The following CCDC149 variants were observed in gnomAD, a reference collection of about 807,000 sequenced individuals.
CCDC149 encodes coiled-coil domain-containing protein 149.
Under a neutral mutation model 59.9 loss-of-function variants are expected in CCDC149, and 45 were observed. The ratio of observed to expected loss-of-function variants is 0.75; its 90% CI spans 0.59 to 0.96. The LOEUF is 0.96. Ranked by LOEUF, CCDC149 falls within the 40% of genes least tolerant of loss-of-function variation. The pLI is 0.00. For synonymous variants in CCDC149, 245 were observed against 260.6 expected (o/e 0.94, Z 0.58); for missense variants, 584 against 664.7 (o/e 0.88, Z 1.33).
chr4:24,906,376 T>TTTATTTTATTTTATTTTA (rs1721516983), intron 1 of CCDC149, among the ~76,000 whole-genome samples: 8 of 112,398 alleles, frequency 7.1e-5, no homozygotes, highest in African/African-American at 2.6e-4. Context: ...TTTTATTTTA[T>TTTATTTTATTTTATTTTA]TTTATTTTAT....
intron 4 of CCDC149, among the ~76,000 whole-genome samples, chr4:24,843,768 C>T (rs552225824): frequency 1.3e-5 from 2 of 152,168 alleles, no homozygotes; most frequent in Non-Finnish European, 2.9e-5. Flanking sequence ...CCTTAGACCA[C>T]TGACAGATAC....
At chr4:24,971,404 G>A (rs1024754438) in intron 1 of CCDC149, among the ~76,000 whole-genome samples, 5 of 152,220 alleles carry the variant, frequency 3.3e-5, no homozygotes, top group Non-Finnish European at 7.3e-5. Context: ...GCCAAGGCAG[G>A]CTTCCAGTGC....
intron 3 of CCDC149, among the ~76,000 whole-genome samples, chr4:24,867,653 AT>A (rs1718782680): frequency 1.3e-5 from 2 of 152,096 alleles, no homozygotes; most frequent in Non-Finnish European, 2.9e-5. Flanking sequence ...TTGAATGCAA[AT>A]TTTTTTGCAG....
intron 7 of CCDC149, among the ~76,000 whole-genome samples, chr4:24,835,733 T>C (rs1409019551): frequency 6.6e-6 from 1 of 152,142 alleles, no homozygotes; most frequent in Non-Finnish European, 1.5e-5. Context: ...CGGAGACTTG[T>C]GAGAACAAAT....
intron 3 of CCDC149, among the ~76,000 whole-genome samples, chr4:24,861,961 C>T (rs1718415508): frequency 6.6e-6 from 1 of 152,134 alleles, no homozygotes; most frequent in Admixed American, 6.5e-5. Flanking sequence ...CTCTACACTC[C>T]CTTTTCTGTC....
upstream of CCDC149, among the ~76,000 whole-genome samples, chr4:24,917,336 C>G (rs932913441): frequency 1.3e-5 from 2 of 152,240 alleles, no homozygotes; most frequent in African/African-American, 2.4e-5. Context: ...GTTGCACTCC[C>G]TGCTGAACTG....
rs1377486732 is a variant in CCDC149, at chr4:24,873,738, T to C, written c.226-19A>G. 6 of 1,595,832 alleles carry C rather than the reference T, an allele frequency of 3.8e-6. No individual in the cohort carries two copies. Among genetic ancestry groups the C allele is most frequent in the Non-Finnish European group, 5.2e-6 (6 of 1,164,646 alleles). ...CTCCATCCTACAAAGAAACAAATGC[T>C]GCATTTTACTCTTTTAGAAAAATAG... is the stretch of plus-strand genomic sequence containing the variant. On this transcript the variant is annotated intron_variant, in intron 2 of 12. Coordinates refer to ENST00000635206, the MANE Select transcript of CCDC149 (RefSeq NM_001330643.2).
chr4:24,876,485 T>C (rs750451734), intron 2 of CCDC149, 51 bp downstream of exon 2: 1 of 1,534,644 alleles, frequency 6.5e-7, no homozygotes, highest in African/African-American at 1.4e-5. Flanking sequence ...TCTCTTTATA[T>C]CTTAATTCAG....
At chr4:24,897,521 C>G (rs966036715) in intron 1 of CCDC149, among the ~76,000 whole-genome samples, 1 of 152,016 alleles carries the variant, frequency 6.6e-6, no homozygotes, top group Non-Finnish European at 1.5e-5. Context: ...CAAGGAGACA[C>G]AGGAGGTAGG....
At chr4:24,858,760 A>G (rs1271652587) in intron 3 of CCDC149, among the ~76,000 whole-genome samples, 1 of 152,216 alleles carries the variant, frequency 6.6e-6, no homozygotes, top group African/African-American at 2.4e-5. Flanking sequence ...GACAGGGATG[A>G]TGACTACAAA....
At chr4:24,832,477 G>A (rs1176770456) in intron 8 of CCDC149, among the ~76,000 whole-genome samples, 2 of 152,200 alleles carry the variant, frequency 1.3e-5, no homozygotes, top group Non-Finnish European at 2.9e-5. Context: ...CAAAATGAAA[G>A]CCAAACAACA....
At chr4:24,978,482 G>A (rs1724316099) in intron 1 of CCDC149, among the ~76,000 whole-genome samples, 1 of 152,098 alleles carries the variant, frequency 6.6e-6, no homozygotes, top group African/African-American at 2.4e-5. Context: ...TATTTCTGTT[G>A]GCAGCACTTG....
chr4:24,886,653 T>C (rs1325394948), intron 1 of CCDC149, among the ~76,000 whole-genome samples: 1 of 152,234 alleles, frequency 6.6e-6, no homozygotes, highest in Admixed American at 6.5e-5. Context: ...CCTTCTTGTG[T>C]TTTTTGAATA....
chr4:24,947,631 G>C (rs1340550031), intron 1 of CCDC149, among the ~76,000 whole-genome samples: 1 of 152,136 alleles, frequency 6.6e-6, no homozygotes, highest in African/African-American at 2.4e-5. Context: ...ATCCAAGCCA[G>C]GGTTGCCTGA....
chr4:24,918,076 A>G (rs1722185190), intron 1 of CCDC149, among the ~76,000 whole-genome samples: 1 of 152,238 alleles, frequency 6.6e-6, no homozygotes, highest in East Asian at 1.9e-4. Flanking sequence ...AATGTCTAAA[A>G]TAGGATCACC....
chr4:24,808,621 A>C lies in CCDC149; in HGVS notation c.1391T>G (p.Leu464Arg). The C allele has an allele frequency of 6.4e-7, 1 of 1,552,246 alleles. No individual in the cohort carries two copies. The highest frequency in any genetic ancestry group is 2.4e-5 in the East Asian group (1 of 40,906). The change falls in exon 13 of 13, where the codon CTG (leucine) becomes CGG (arginine). Residue 464 changes from leucine (L) to arginine (R), a missense_variant. By Grantham distance (102) the Leu-to-Arg change is moderately radical. Transcript: ENST00000635206. ...TTCTGCAGCTGCCTGTTCCTTTGTC[A>C]GTTTAATTATTTCCCTCCCAAGGCT... is the stretch of plus-strand genomic sequence containing the variant.
chr4:24,870,495 G>A (rs1718973637), intron 3 of CCDC149, among the ~76,000 whole-genome samples: 1 of 152,202 alleles, frequency 6.6e-6, no homozygotes, highest in Non-Finnish European at 1.5e-5. Flanking sequence ...GGAGGCTGCA[G>A]AGCCCAAGCT....
chr4:24,860,437 G>A (rs1718305788), intron 3 of CCDC149, among the ~76,000 whole-genome samples: 1 of 152,094 alleles, frequency 6.6e-6, no homozygotes, highest in East Asian at 1.9e-4. Context: ...TTATACAAAA[G>A]CCAACTCAAG....
chr4:24,922,548 C>T (rs905364509), intron 1 of CCDC149, among the ~76,000 whole-genome samples: 4 of 152,220 alleles, frequency 2.6e-5, no homozygotes, highest in Non-Finnish European at 2.9e-5. Flanking sequence ...GCTTCTCCAA[C>T]GTCCTGAAGC....
Sources: gnomAD v4.1 joint callset for allele counts (sites outside exome capture counted in the v4.1 genomes callset) on GRCh38, gnomAD v4.1.1 for gene constraint, MANE v1.5 for transcripts, NCBI Gene and HGNC (gene_info 2026-07-23, HGNC 2026-07-21) for gene names.